The following TEAD1 variants were observed in gnomAD, a reference collection of about 807,000 sequenced individuals.
TEAD1 encodes TEA domain transcription factor 1.
In TEAD1, 9 loss-of-function variants were observed where a neutral mutation model predicts 54.9. The observed-to-expected ratio is 0.16, with a 90% confidence interval of 0.10 to 0.29. TEAD1 has a LOEUF of 0.29. Ranked by LOEUF, TEAD1 falls within the 10% of genes least tolerant of loss-of-function variation. TEAD1 has a pLI of 1.00. For missense variants in TEAD1, 387 were observed against 535.9 expected (o/e 0.72, Z 2.74); for synonymous variants, 200 against 187.8 (o/e 1.07, Z -0.53).
intron 10 of TEAD1, among the ~76,000 whole-genome samples, chr11:12,914,221 T>C (rs1360031439): frequency 1.3e-5 from 2 of 152,258 alleles, no homozygotes; most frequent in African/African-American, 4.8e-5. Context: ...GAGCAAGCTT[T>C]TAAGATTCTT....
intron 6 of TEAD1, among the ~76,000 whole-genome samples, chr11:12,880,248 C>CA (rs1243080837): frequency 1.3e-5 from 2 of 152,106 alleles, no homozygotes; most frequent in Admixed American, 6.6e-5. Context: ...CCTAAAGGGA[C>CA]AAGGTATTCT....
intron 2 of TEAD1, among the ~76,000 whole-genome samples, chr11:12,735,983 A>C (rs1284652539): frequency 6.6e-6 from 1 of 152,228 alleles, no homozygotes; most frequent in African/African-American, 2.4e-5. Flanking sequence ...GTCCGACAGA[A>C]CTAGTACATA....
rs910932392 is a variant in TEAD1, at chr11:12,675,536, C to G, written c.-80C>G. The G allele has an allele frequency of 6.6e-6, 1 of 152,224 alleles. No homozygotes were observed. Among genetic ancestry groups the G allele is most frequent in the South Asian group, 2.1e-4 (1 of 4,832 alleles). 9.4% of individuals were successfully genotyped at this position (152,224 alleles called of 1,614,324 possible). Reference sequence around the variant, plus strand: ...ACCACCAAACCCAGGAGGAGACTCTCCCTGGAAAACTTCCCTTCCCTTTCG... The same window carrying G: ...ACCACCAAACCCAGGAGGAGACTCTGCCTGGAAAACTTCCCTTCCCTTTCG... On this transcript the variant is annotated 5_prime_UTR_variant, in exon 2 of 13. Coordinates refer to ENST00000527636, the MANE Select transcript of TEAD1 (RefSeq NM_021961.6).
At chr11:12,803,027 T>G (rs1946093926) in intron 3 of TEAD1, among the ~76,000 whole-genome samples, 1 of 151,924 alleles carries the variant, frequency 6.6e-6, no homozygotes, top group African/African-American at 2.4e-5. Context: ...CGAGGAGACT[T>G]CTCTCTACCC....
At chr11:12,931,792 T>G (rs1179705549) in intron 12 of TEAD1, among the ~76,000 whole-genome samples, 1 of 152,082 alleles carries the variant, frequency 6.6e-6, no homozygotes, top group Non-Finnish European at 1.5e-5. Flanking sequence ...AAAAAATAAG[T>G]AACATTTAAA....
In TEAD1 at chr11:12,925,718, G is replaced by T. The variant is rs191710341; in HGVS notation, c.1014+666G>T. On this transcript the variant is annotated intron_variant, in intron 11 of 12. Transcript: ENST00000527636. ...TGGGGTAGTGTGGTATGAAAGCTGG[G>T]TCGAGATAGGCCCTGCCACTCAGAA... Among the ~76,000 whole-genome samples the T allele has an allele frequency of 1.7e-3, 259 of 152,206 alleles. 3 individuals carry two copies. The highest frequency in any genetic ancestry group is 2.5e-3 in the Non-Finnish European group (171 of 68,002).
intron 10 of TEAD1, 43 bp downstream of exon 10, chr11:12,902,156 T>A (rs760417625): frequency 6.2e-7 from 1 of 1,611,898 alleles, no homozygotes; most frequent in Non-Finnish European, 8.5e-7. Context: ...TTTGTCTGAA[T>A]GGTCACATCT....
At chr11:12,696,936 C>T (rs1329265632) in intron 2 of TEAD1, among the ~76,000 whole-genome samples, 1 of 152,168 alleles carries the variant, frequency 6.6e-6, no homozygotes. Flanking sequence ...GGGCTACCCA[C>T]TTCCACCCTG....
chr11:12,811,081 GTGAT>G (rs1170287610), intron 3 of TEAD1, among the ~76,000 whole-genome samples: 1 of 152,234 alleles, frequency 6.6e-6, no homozygotes, highest in Admixed American at 6.5e-5. Flanking sequence ...GAAGTAGACC[GTGAT>G]TGATATAAGC....
At chr11:12,921,887 A>G (rs1184734520) in intron 10 of TEAD1, among the ~76,000 whole-genome samples, 1 of 152,120 alleles carries the variant, frequency 6.6e-6, no homozygotes, top group African/African-American at 2.4e-5. Context: ...TCTTTTGTGG[A>G]GCCAAATGTT....
At chr11:12,688,823 A>T (rs999004667) in intron 2 of TEAD1, among the ~76,000 whole-genome samples, 1 of 152,160 alleles carries the variant, frequency 6.6e-6, no homozygotes, top group African/African-American at 2.4e-5. Context: ...CCCCCAACCC[A>T]TTGAGAAGTC....
At chr11:12,677,174 C>T (rs1274118902) in intron 2 of TEAD1, among the ~76,000 whole-genome samples, 1 of 151,508 alleles carries the variant, frequency 6.6e-6, no homozygotes, top group African/African-American at 2.4e-5. Context: ...CTTTTCTTTT[C>T]CCAAAACAAA....
rs560592468 is a variant in TEAD1, at chr11:12,923,914, A to G, written c.874-998A>G. On this transcript the variant is annotated intron_variant, in intron 10 of 12. Coordinates refer to ENST00000527636, the MANE Select transcript of TEAD1 (RefSeq NM_021961.6). Reference sequence around the variant, plus strand: ...GTGGGGGCACATTCAGACCACTGCAATGATCAAACGCTGCAGCAGCCAGTT... The same window carrying G: ...GTGGGGGCACATTCAGACCACTGCAGTGATCAAACGCTGCAGCAGCCAGTT... Among the ~76,000 whole-genome samples, 171 of 152,332 alleles carry G rather than the reference A, an allele frequency of 1.1e-3. 1 individual carries two copies. The highest frequency in any genetic ancestry group is 1.9e-3 in the Non-Finnish European group (127 of 68,028).
In TEAD1 at chr11:12,713,998, ATAGGGCC is replaced by A. The variant is rs1944000491; in HGVS notation, c.-55+38443_-55+38449del. Among the ~76,000 whole-genome samples the A allele has an allele frequency of 3.3e-5, 5 of 152,314 alleles. 1 individual carries two copies. In the South Asian group the frequency reaches 1.0e-3, roughly 32 times the overall value. ...CCTAACTTGCACATTCCTAGATGAAATAGGGCCTAGGGAGTGGAATTCCCACACACAG... is the reference window on the plus strand; with the variant it reads ...CCTAACTTGCACATTCCTAGATGAAATAGGGAGTGGAATTCCCACACACAG... On this transcript the variant is annotated intron_variant, in intron 2 of 12. Transcript: ENST00000527636.
At chr11:12,922,354 G>A (rs1211108889) in intron 10 of TEAD1, 1 of 112,168 alleles carries the variant, frequency 8.9e-6, no homozygotes, top group East Asian at 2.7e-4. Flanking sequence ...CCGCCACTAC[G>A]CCCGGCTAAT....
rs540893458 is a variant in TEAD1 at position 12,930,198 on chromosome 11, G to A, written c.1039G>A (p.Gly347Ser). 1 of 1,614,120 alleles carries A rather than the reference G, an allele frequency of 6.2e-7. No individual in the cohort carries two copies. The highest frequency in any genetic ancestry group is 1.1e-5 in the South Asian group (1 of 91,072). ...GACGGAGTATGCAAGGTTTGAGAAT[G>A]GCCGATTTGTATACCGAATAAACCG... is the stretch of plus-strand genomic sequence containing the variant. The change falls in exon 12 of 13, where the codon GGC (glycine) becomes AGC (serine). Residue 347 changes from glycine to serine, a missense_variant. Around this residue, in one of 5 missense-constraint regions of TEAD1, gnomAD observed 123 missense variants for 199.0 expected, o/e 0.62. Transcript: ENST00000527636.
At chr11:12,696,824 C>T (rs1943594381) in intron 2 of TEAD1, among the ~76,000 whole-genome samples, 1 of 152,060 alleles carries the variant, frequency 6.6e-6, no homozygotes, top group African/African-American at 2.4e-5. Context: ...GGCTGCTCCC[C>T]TCAGCAGATA....
chr11:12,682,625 C>T (rs1943246220), intron 2 of TEAD1, among the ~76,000 whole-genome samples: 1 of 152,132 alleles, frequency 6.6e-6, no homozygotes, highest in African/African-American at 2.4e-5. Flanking sequence ...TTCCCTTCAC[C>T]TTGGGCACTT....
rs1413961644 is a variant in TEAD1 at position 12,850,248 on chromosome 11, C to T, written c.203-12002C>T. On this transcript the variant is annotated intron_variant, in intron 3 of 12. Coordinates refer to ENST00000527636, the MANE Select transcript of TEAD1 (RefSeq NM_021961.6). ...GTCAGGAGTTCGAGCCCAGCATGAC[C>T]AGCGTGGGGAAACTCTGTCTCTACT... 3.9e-5 allele frequency among the ~76,000 whole-genome samples: 6 copies of T among 152,320 alleles called. 1 individual carries two copies. In the East Asian group the frequency reaches 1.2e-3, roughly 29 times the overall value.
Sources: gnomAD v4.1 joint callset for allele counts (sites outside exome capture counted in the v4.1 genomes callset) on GRCh38, gnomAD v4.1.1 for gene constraint, gnomAD v4.1.1 regional missense constraint, MANE v1.5 for transcripts, NCBI Gene and HGNC (gene_info 2026-07-23, HGNC 2026-07-21) for gene names.